The following PLXNA1 variants were observed in gnomAD, a reference collection of about 807,000 sequenced individuals.
PLXNA1 encodes plexin A1.
In PLXNA1, 77 loss-of-function variants were observed where a neutral mutation model predicts 191.7. That is an observed-to-expected ratio of 0.40 (90% CI 0.33 to 0.49). The LOEUF (loss-of-function observed/expected upper bound fraction) is 0.49. Among genes scored for constraint, PLXNA1 ranks in the 20% least tolerant of loss-of-function variants. PLXNA1 has a pLI of 0.63. For synonymous variants in PLXNA1, 1,137 were observed against 1,156.4 expected, an observed-to-expected ratio of 0.98 and a Z score of 0.34; for missense variants, 2,110 against 2,660.2, an observed-to-expected ratio of 0.79 and a Z score of 4.55.
At chr3:127,020,434 T>C (rs2079146740) in intron 21 of PLXNA1, 90 bp downstream of exon 21, 2 of 1,506,204 alleles carry the variant, frequency 1.3e-6, no homozygotes, top group African/African-American at 2.7e-5. Context: ...ATGGATGGTA[T>C]GGGGCAGCCT....
At chr3:127,032,625 G>A (rs749175836) in intron 30 of PLXNA1, 26 bp downstream of exon 30, 5 of 1,610,526 alleles carry the variant, frequency 3.1e-6, no homozygotes, top group Non-Finnish European at 4.2e-6. Flanking sequence ...AGGGGTCGGG[G>A]GCAGGGGCCC....
chr3:127,005,298 T>C, intron 7 of PLXNA1, 55 bp downstream of exon 7: 1 of 1,545,850 alleles, frequency 6.5e-7, no homozygotes, highest in Non-Finnish European at 8.7e-7. Context: ...AGGGCTGCAA[T>C]CCAGTTGCCG....
chr3:126,989,356 T>C lies in PLXNA1; in HGVS notation c.763T>C (p.Phe255Leu). ...TGTGTACAGCTTCCGCAGCGAGCAG[T>C]TTGTCTACTACCTCACGCTGCAGCT... is the stretch of plus-strand genomic sequence containing the variant. ...YYVYSFRSEQ[F>L]VYYLTLQLDT... is the part of the protein sequence containing the mutation. Residue 255 changes from phenylalanine to leucine, a missense_variant, in exon 2 of 32, where the codon TTT becomes CTT. By Grantham distance (22) the Phe-to-Leu change is conservative. Transcript: ENST00000393409. 5.0e-6 allele frequency: 8 copies of C among 1,613,610 alleles called. No homozygotes were observed. Among genetic ancestry groups the C allele is most frequent in the Non-Finnish European group, 5.9e-6 (7 of 1,180,038 alleles).
intron 22 of PLXNA1, 60 bp from the exon 23 acceptor site, chr3:127,022,692 G>T (rs1320637485): frequency 2.0e-6 from 3 of 1,463,864 alleles, no homozygotes; most frequent in Non-Finnish European, 2.9e-6. Flanking sequence ...GCCTGCAGGG[G>T]CCCTGTGCCT....
intron 3 of PLXNA1, among the ~76,000 whole-genome samples, chr3:127,002,323 C>T (rs981352881): frequency 1.3e-5 from 2 of 152,222 alleles, no homozygotes; most frequent in Admixed American, 1.3e-4. Flanking sequence ...CTCAGGAATG[C>T]GGCCCTCCCC....
Position 127,003,340 on chromosome 3 carries a change from A to G in PLXNA1, c.1388A>G (p.Asp463Gly). 1 of 1,599,672 alleles carries G rather than the reference A, an allele frequency of 6.3e-7. No homozygotes were observed. The highest frequency in any genetic ancestry group is 8.5e-7 in the Non-Finnish European group (1 of 1,170,236). Residue 463 changes from aspartate to glycine, a missense_variant, in exon 4 of 32, where the codon GAC (aspartate) becomes GGC (glycine). By Grantham distance (94) the Asp-to-Gly change is moderately conservative (BLOSUM62 -1). Coordinates refer to ENST00000393409, the MANE Select transcript of PLXNA1 (RefSeq NM_032242.4). ...RSGRIRKILVDLSNPGGRPAL... is the reference protein window; with the variant it reads ...RSGRIRKILVGLSNPGGRPAL... ...CCCTTGCTGCCGCAGATCCTGGTGG[A>G]CCTCTCAAACCCCGGTGGCCGGCCT...
chr3:127,008,569 G>T (rs1179792694), intron 9 of PLXNA1, among the ~76,000 whole-genome samples: 1 of 152,220 alleles, frequency 6.6e-6, no homozygotes, highest in Non-Finnish European at 1.5e-5. Flanking sequence ...GGCCGGAGCT[G>T]TGGCAGCCCC....
chr3:126,983,427 G>T (rs2078940881), intron 1 of PLXNA1, among the ~76,000 whole-genome samples, 140 bp downstream of exon 1: 1 of 146,140 alleles, frequency 6.8e-6, no homozygotes, highest in African/African-American at 2.5e-5. Context: ...GCAGGCAGGG[G>T]GTGTGCGCGG....
At chr3:127,003,222 G>T in intron 3 of PLXNA1, 108 bp from the exon 4 acceptor site, 1 of 1,292,630 alleles carries the variant, frequency 7.7e-7, no homozygotes, top group East Asian at 2.5e-5. Context: ...GCTCATGCAT[G>T]TCTGGGCAGC....
At chr3:127,012,916 A>T (rs1487750014) in intron 10 of PLXNA1, among the ~76,000 whole-genome samples, 5 of 152,054 alleles carry the variant, frequency 3.3e-5, no homozygotes, top group African/African-American at 1.2e-4. Flanking sequence ...GCTTCCTGTA[A>T]CTCACTGCAG....
At chr3:126,998,141 G>GC (rs1009196324) in intron 3 of PLXNA1, among the ~76,000 whole-genome samples, 4 of 152,196 alleles carry the variant, frequency 2.6e-5, no homozygotes, top group African/African-American at 9.7e-5. Flanking sequence ...GCTCAGAGGT[G>GC]CCCCCCGTGG....
chr3:127,025,544 C>T (rs1047239915), intron 23 of PLXNA1, among the ~76,000 whole-genome samples: 1 of 152,162 alleles, frequency 6.6e-6, no homozygotes, highest in African/African-American at 2.4e-5. Context: ...CCATGGCCAC[C>T]TGCTCCATGA....
chr3:126,997,304 G>T (rs1386661942), intron 3 of PLXNA1, among the ~76,000 whole-genome samples: 1 of 152,218 alleles, frequency 6.6e-6, no homozygotes, highest in Admixed American at 6.5e-5. Flanking sequence ...TGGAGCCTCT[G>T]TTGTTGTTCT....
chr3:127,006,191 A>C lies in PLXNA1; in HGVS notation c.1997+13A>C, dbSNP rs1349662220. The C allele has an allele frequency of 1.9e-6, 3 of 1,606,720 alleles. No individual in the cohort carries two copies. The highest frequency in any genetic ancestry group is 2.6e-6 in the Non-Finnish European group (3 of 1,174,024). On this transcript the variant is annotated intron_variant, in intron 8 of 31. Transcript: ENST00000393409. ...GCGTCCACCAGTCGTGAGTGTCTCT[A>C]GGCCCCTCCGCCCGCCTGGGCCTGG...
intron 10 of PLXNA1, among the ~76,000 whole-genome samples, chr3:127,012,984 A>T (rs1479213928): frequency 2.0e-5 from 3 of 152,052 alleles, no homozygotes. Flanking sequence ...CCTTGGCTGG[A>T]CCCCATCCCC....
chr3:127,033,272 C>G (rs896245275), intron 31 of PLXNA1, among the ~76,000 whole-genome samples: 3 of 152,208 alleles, frequency 2.0e-5, no homozygotes, highest in Non-Finnish European at 1.5e-5. Flanking sequence ...GGACGGGGTC[C>G]AGGAGGTATC....
Position 127,022,742 on chromosome 3 carries a change from T to C in PLXNA1, c.4296-10T>C. Reference sequence around the variant, plus strand: ...ATGACACCACTCTGCCCATATTCTGTGCTCCCCAGGACTGAGTCGGTGGCA... The same window carrying C: ...ATGACACCACTCTGCCCATATTCTGCGCTCCCCAGGACTGAGTCGGTGGCA... On this transcript the variant is annotated splice_polypyrimidine_tract_variant and intron_variant, in intron 22 of 31. Coordinates refer to ENST00000393409, the MANE Select transcript of PLXNA1 (RefSeq NM_032242.4). The C allele has an allele frequency of 6.2e-7, 1 of 1,613,394 alleles. No homozygotes were observed.
intron 2 of PLXNA1, 34 bp downstream of exon 2, chr3:126,989,821 C>T (rs1259771840): frequency 1.3e-6 from 2 of 1,535,194 alleles, no homozygotes; most frequent in East Asian, 2.3e-5. Flanking sequence ...CCTCCCGCGG[C>T]CCCATCCCCT....
chr3:127,003,154 G>A (rs1008564396), intron 3 of PLXNA1, among the ~76,000 whole-genome samples, 176 bp from the exon 4 acceptor site: 4 of 152,094 alleles, frequency 2.6e-5, no homozygotes, highest in African/African-American at 7.2e-5. Flanking sequence ...GCTGGGGCTG[G>A]GGCTGGGGCT....
Sources: gnomAD v4.1 joint callset for allele counts (sites outside exome capture counted in the v4.1 genomes callset) on GRCh38, gnomAD v4.1.1 for gene constraint, MANE v1.5 for transcripts, NCBI Gene and HGNC (gene_info 2026-07-23, HGNC 2026-07-21) for gene names.